MLIP: variants seen among roughly 807,000 people sequenced by gnomAD.
The protein encoded by MLIP is muscular LMNA-interacting protein.
Under a neutral mutation model 84.8 loss-of-function variants are expected in MLIP, and 79 were observed. The observed-to-expected ratio is 0.93, with a 90% CI of 0.78 to 1.12. The LOEUF (loss-of-function observed/expected upper bound fraction) is 1.12. Among genes scored for constraint, MLIP ranks in the 50% most tolerant of loss-of-function variants. MLIP has a pLI of 0.00. For missense variants in MLIP, 1,257 were observed against 1,160.6 expected (o/e 1.08, Z -1.21); for synonymous variants, 504 against 463.0 (o/e 1.09, Z -1.14).
intron 12 of MLIP, among the ~76,000 whole-genome samples, chr6:54,238,566 A>G (rs1781514101): frequency 6.6e-6 from 1 of 152,236 alleles, no homozygotes; most frequent in African/African-American, 2.4e-5. Context: ...TTGCACCAGC[A>G]AACAAACGAG....
chr6:54,265,824 T>C, intron 13 of MLIP, 126 bp from the exon 14 acceptor site: 2 of 791,304 alleles, frequency 2.5e-6, no homozygotes, highest in Non-Finnish European at 2.1e-6. Context: ...AATAAGCTTT[T>C]CCTATTGTAG....
intron 1 of MLIP, among the ~76,000 whole-genome samples, chr6:54,099,115 C>A (rs1430014687): frequency 6.6e-6 from 1 of 152,140 alleles, no homozygotes; most frequent in Non-Finnish European, 1.5e-5. Flanking sequence ...ATCATCTATT[C>A]TTCTTTACCA....
chr6:54,213,717 A>AC lies in MLIP; in HGVS notation c.2718+11484_2718+11485insC, dbSNP rs1397711546. Reference sequence around the variant, plus strand: ...AGTGAGACTTTGTCTCAAAAAAAAAAAAAAAAAAAAAAAAAAAAACAACAA... The same window carrying AC: ...AGTGAGACTTTGTCTCAAAAAAAAAACAAAAAAAAAAAAAAAAAAACAACAA... On this transcript the variant is annotated intron_variant, in intron 11 of 13. Coordinates refer to ENST00000502396, the MANE Select transcript of MLIP (RefSeq NM_001281747.2). 5.0e-5 allele frequency among the ~76,000 whole-genome samples: 6 copies of AC among 119,508 alleles called. 2 individuals carry two copies. Among genetic ancestry groups the AC allele is most frequent in the East Asian group, 2.3e-4 (1 of 4,392 alleles). The allele number at this position is 119,508 out of a possible 152,430, so 78.4% of individuals were successfully genotyped here.
At chr6:54,208,338 C>T (rs759533229) in intron 11 of MLIP, among the ~76,000 whole-genome samples, 2 of 152,144 alleles carry the variant, frequency 1.3e-5, no homozygotes, top group South Asian at 2.1e-4. Flanking sequence ...GTAATCCCAG[C>T]TCTTTGGGAG....
chr6:54,181,989 C>G (rs2150640320), intron 9 of MLIP, among the ~76,000 whole-genome samples: 1 of 152,292 alleles, frequency 6.6e-6, no homozygotes, highest in East Asian at 1.9e-4. Flanking sequence ...GAAGAAATAG[C>G]ACAAGTACTC....
intron 2 of MLIP, among the ~76,000 whole-genome samples, chr6:54,122,888 T>C (rs1291981608): frequency 6.6e-6 from 1 of 152,146 alleles, no homozygotes; most frequent in African/African-American, 2.4e-5. Context: ...CCCTATCTCT[T>C]AGACAGTTCA....
At chr6:54,222,374 C>T (rs1780276642) in intron 11 of MLIP, among the ~76,000 whole-genome samples, 1 of 151,924 alleles carries the variant, frequency 6.6e-6, no homozygotes, top group African/African-American at 2.4e-5. Flanking sequence ...GACCCATTTT[C>T]CCCTCCCCTC....
intron 13 of MLIP, 39 bp from the exon 14 acceptor site, chr6:54,265,911 T>C: frequency 6.3e-7 from 1 of 1,588,696 alleles, no homozygotes; most frequent in South Asian, 1.1e-5. Flanking sequence ...TTTAAATTTA[T>C]TCATCTTAAC....
At chr6:54,035,380 G>A (rs2150291027) in intron 1 of MLIP, among the ~76,000 whole-genome samples, 1 of 152,208 alleles carries the variant, frequency 6.6e-6, no homozygotes, top group South Asian at 2.1e-4. Context: ...GAATATTTGT[G>A]TGGTTTCCAA....
Position 54,245,819 on chromosome 6 carries a change from C to G in MLIP, c.2923-11489C>G, listed in dbSNP as rs192972040. 5.5e-4 allele frequency among the ~76,000 whole-genome samples: 84 copies of G among 152,182 alleles called. 1 individual carries two copies. The highest frequency in any genetic ancestry group is 2.2e-3 in the Admixed American group (33 of 15,284). ...TGTATTTTGTGATCCTTTTACTTAT[C>G]CCATGCAACAAAATCTATTTTAATT... On this transcript the variant is annotated intron_variant, in intron 12 of 13. Coordinates refer to ENST00000502396, the MANE Select transcript of MLIP (RefSeq NM_001281747.2).
intron 1 of MLIP, among the ~76,000 whole-genome samples, chr6:54,083,778 G>A (rs926469354): frequency 9.2e-5 from 14 of 152,158 alleles, no homozygotes; most frequent in Admixed American, 4.6e-4. Flanking sequence ...GACAACAGAT[G>A]TTAAATTAGC....
At chr6:54,187,849 T>C (rs557634241) in intron 9 of MLIP, among the ~76,000 whole-genome samples, 1 of 151,918 alleles carries the variant, frequency 6.6e-6, no homozygotes, top group African/African-American at 2.4e-5. Context: ...ATTAAAAAAA[T>C]ACAAAAAATT....
At chr6:54,036,828 G>C (rs938197199) in intron 1 of MLIP, among the ~76,000 whole-genome samples, 11 of 152,110 alleles carry the variant, frequency 7.2e-5, no homozygotes, top group African/African-American at 2.4e-4. Context: ...AGATATGGAA[G>C]GTTCCAGGCT....
At chr6:54,052,614 T>A (rs1279215338) in intron 1 of MLIP, among the ~76,000 whole-genome samples, 1 of 152,228 alleles carries the variant, frequency 6.6e-6, no homozygotes, top group African/African-American at 2.4e-5. Flanking sequence ...TATAGTGTCC[T>A]AACAATCCCT....
intron 1 of MLIP, chr6:54,083,335 G>T: frequency 1.3e-6 from 1 of 753,820 alleles, no homozygotes; most frequent in East Asian, 3.1e-5. Context: ...CTAAGGTCAA[G>T]ATAGGTTAAT....
chr6:54,184,884 C>G (rs1445587287), intron 9 of MLIP, among the ~76,000 whole-genome samples: 1 of 152,042 alleles, frequency 6.6e-6, no homozygotes, highest in Non-Finnish European at 1.5e-5. Context: ...ACACAAGAGC[C>G]ATTCTTATAC....
chr6:54,214,520 T>C (rs1779714823), intron 11 of MLIP, among the ~76,000 whole-genome samples: 1 of 152,176 alleles, frequency 6.6e-6, no homozygotes, highest in African/African-American at 2.4e-5. Flanking sequence ...CTCTGTTCCC[T>C]CCATCCTGCT....
chr6:54,207,240 A>G (rs1221421940), intron 11 of MLIP, among the ~76,000 whole-genome samples: 1 of 152,048 alleles, frequency 6.6e-6, no homozygotes, highest in Non-Finnish European at 1.5e-5. Context: ...TTTAGCATAA[A>G]CAGGTTATGT....
At chr6:54,124,925 T>G in intron 3 of MLIP, 60 bp downstream of exon 3, 2 of 1,471,732 alleles carry the variant, frequency 1.4e-6, no homozygotes. Flanking sequence ...ACCCTTTGTC[T>G]TGGGCGGTCT....
Sources: allele counts gnomAD v4.1 joint callset (sites outside exome capture counted in the v4.1 genomes callset), GRCh38; gene constraint gnomAD v4.1.1; transcripts MANE v1.5; gene names NCBI Gene and HGNC (gene_info 2026-07-23, HGNC 2026-07-21).